Variants in RNLS observed in about 807,000 individuals in gnomAD.
The protein encoded by RNLS is renalase, FAD dependent amine oxidase, also known as renalase.
RNLS carries 39 observed loss-of-function variants against 39.8 expected under a neutral mutation model. The ratio of observed to expected loss-of-function variants is 0.98; its 90% CI spans 0.76 to 1.28. The LOEUF is 1.28. Among genes scored for constraint, RNLS ranks in the 50% most tolerant of loss-of-function variants. The pLI is 0.00. For missense variants in RNLS, 410 were observed against 413.3 expected (o/e 0.99, Z 0.07); for synonymous variants, 147 against 150.7 (o/e 0.98, Z 0.18).
intron 4 of RNLS, among the ~76,000 whole-genome samples, chr10:88,532,366 A>G (rs1847480298): frequency 6.6e-6 from 1 of 152,064 alleles, no homozygotes; most frequent in Non-Finnish European, 1.5e-5. Context: ...CCTGATAAGG[A>G]ATGCAAATAC....
intron 6 of RNLS, among the ~76,000 whole-genome samples, chr10:88,292,734 C>T (rs1353902694): frequency 6.6e-6 from 1 of 152,046 alleles, no homozygotes; most frequent in South Asian, 2.1e-4. Context: ...TTTTGATACT[C>T]ACACTGCATC....
At chr10:88,456,868 T>A (rs1372849711) in intron 4 of RNLS, among the ~76,000 whole-genome samples, 1 of 152,206 alleles carries the variant, frequency 6.6e-6, no homozygotes, top group African/African-American at 2.4e-5. Context: ...TACCTCACCA[T>A]CAGAATTCTT....
At chr10:88,174,160 A>AT in the RNLS span, among the ~76,000 whole-genome samples, 2 of 152,020 alleles carry the variant, frequency 1.3e-5, no homozygotes, top group African/African-American at 4.8e-5. Flanking sequence ...AGTCTTTAGA[A>AT]TTTTTTTAAT....
intron 4 of RNLS, among the ~76,000 whole-genome samples, chr10:88,500,061 G>A (rs2134102662): frequency 6.6e-6 from 1 of 152,218 alleles, no homozygotes; most frequent in South Asian, 2.1e-4. Flanking sequence ...AAGATTTAAT[G>A]AGAGCAAAGC....
chr10:88,381,853 C>CTGAT (rs1450372043), intron 4 of RNLS, among the ~76,000 whole-genome samples: 8 of 151,882 alleles, frequency 5.3e-5, no homozygotes, highest in East Asian at 1.9e-4. Context: ...ATCCCCCCAG[C>CTGAT]TGATATAATG....
rs553414295 is a variant in RNLS at position 88,415,137 on chromosome 10, C to A, written c.527-52412G>T. 1.0e-3 allele frequency among the ~76,000 whole-genome samples: 154 copies of A among 152,282 alleles called. 1 individual carries two copies. The highest frequency in any genetic ancestry group is 1.5e-3 in the Non-Finnish European group (100 of 68,028). ...GGGTGTTGGAAAGGTAAAAGATTCA[C>A]TGAGGATCAGGGTAAACATTCCTGA... On this transcript the variant is annotated intron_variant, in intron 4 of 6. Transcript: ENST00000331772.
At chr10:88,242,589 C>A in the RNLS span, among the ~76,000 whole-genome samples, 1 of 152,066 alleles carries the variant, frequency 6.6e-6, no homozygotes, top group Non-Finnish European at 1.5e-5. Flanking sequence ...AACTTTACAA[C>A]AACCAACCTC....
chr10:88,211,144 G>T, the RNLS span, among the ~76,000 whole-genome samples: 1 of 151,880 alleles, frequency 6.6e-6, no homozygotes, highest in East Asian at 1.9e-4. Context: ...TTTAAATATC[G>T]ATTTCATCGT....
At chr10:88,408,375 T>G (rs1853425699) in intron 4 of RNLS, among the ~76,000 whole-genome samples, 1 of 152,090 alleles carries the variant, frequency 6.6e-6, no homozygotes, top group South Asian at 2.1e-4. Context: ...TGTTAGAACC[T>G]AATACCAAAT....
the RNLS span, among the ~76,000 whole-genome samples, chr10:88,201,516 T>C: frequency 5.1e-3 from 780 of 152,240 alleles, 3 homozygotes; most frequent in Non-Finnish European, 9.0e-3. Flanking sequence ...CTCCAGCAGA[T>C]AAATTGTCAT....
downstream of RNLS, among the ~76,000 whole-genome samples, chr10:88,280,880 C>T (rs1842986876): frequency 6.6e-6 from 1 of 152,108 alleles, no homozygotes; most frequent in African/African-American, 2.4e-5. Context: ...TTCCAAACCT[C>T]TCTAAGCTTA....
At chr10:88,344,199 G>T (rs978882696) in intron 5 of RNLS, among the ~76,000 whole-genome samples, 2 of 152,162 alleles carry the variant, frequency 1.3e-5, no homozygotes, top group South Asian at 4.1e-4. Context: ...TTCAGCTTTA[G>T]ATTTGTAGCT....
At chr10:88,578,180 C>T (rs1347298388) in intron 3 of RNLS, among the ~76,000 whole-genome samples, 2 of 152,134 alleles carry the variant, frequency 1.3e-5, no homozygotes, top group Non-Finnish European at 1.5e-5. Flanking sequence ...TTATATCTTT[C>T]ATTCCTCACA....
chr10:88,293,129 A>G (rs894245195), intron 6 of RNLS, among the ~76,000 whole-genome samples: 1 of 152,146 alleles, frequency 6.6e-6, no homozygotes, highest in Non-Finnish European at 1.5e-5. Flanking sequence ...TTGTTCCTGA[A>G]TTCAGAGAAA....
At chr10:88,559,319 T>C (rs112163021) in intron 4 of RNLS, among the ~76,000 whole-genome samples, 2 of 152,266 alleles carry the variant, frequency 1.3e-5, no homozygotes, top group African/African-American at 4.8e-5. Flanking sequence ...AGTGTTTTCT[T>C]TCTTCCAATC....
chr10:88,289,734 A>G (rs1169422467), intron 6 of RNLS, among the ~76,000 whole-genome samples: 1 of 152,176 alleles, frequency 6.6e-6, no homozygotes, highest in Non-Finnish European at 1.5e-5. Context: ...TATTGTACAC[A>G]GTTGATCAAA....
chr10:88,372,529 A>G (rs1589675328), intron 4 of RNLS, among the ~76,000 whole-genome samples: 1 of 152,258 alleles, frequency 6.6e-6, no homozygotes. Flanking sequence ...TGAAACCGAA[A>G]TGACATTCAG....
chr10:88,498,440 G>A (rs1013601849), intron 4 of RNLS, among the ~76,000 whole-genome samples: 6 of 150,810 alleles, frequency 4.0e-5, no homozygotes, highest in Admixed American at 6.6e-5. Flanking sequence ...GAAAATCAGA[G>A]AAACAACTAA....
chr10:88,261,768 C>A, the RNLS span, among the ~76,000 whole-genome samples: 1 of 152,156 alleles, frequency 6.6e-6, no homozygotes, highest in Non-Finnish European at 1.5e-5. Context: ...AAAGAATGAA[C>A]AACACAGTGA....
Sources: allele counts gnomAD v4.1 joint callset (sites outside exome capture counted in the v4.1 genomes callset), GRCh38; gene constraint gnomAD v4.1.1; transcripts MANE v1.5; gene names NCBI Gene and HGNC (gene_info 2026-07-23, HGNC 2026-07-21).